The following MYO16 variants were observed in gnomAD, a reference collection of about 807,000 sequenced individuals.
The protein encoded by MYO16 is unconventional myosin-XVI.
In MYO16, 94 loss-of-function variants were observed where a neutral mutation model predicts 205.3. The observed-to-expected ratio is 0.46, with a 90% CI of 0.39 to 0.54. The LOEUF is 0.54. Ranked by LOEUF, MYO16 falls within the 20% of genes least tolerant of loss-of-function variation. The pLI is 0.00. For synonymous variants in MYO16, 988 were observed against 954.0 expected, an observed-to-expected ratio of 1.04 and a Z score of -0.66; for missense variants, 2,315 against 2,387.5, an observed-to-expected ratio of 0.97 and a Z score of 0.63.
chr13:109,191,141 C>A (rs1014181373), intron 34 of MYO16, among the ~76,000 whole-genome samples: 22 of 152,030 alleles, frequency 1.4e-4, no homozygotes. Flanking sequence ...ATCACTTGAA[C>A]CCCAGAGGCA....
Position 109,013,459 on chromosome 13 carries a change from A to C in MYO16, c.2595+4410A>C, listed in dbSNP as rs577008794. Among the ~76,000 whole-genome samples the C allele has an allele frequency of 1.1e-4, 17 of 152,290 alleles. No homozygotes were observed. In the East Asian group the frequency reaches 1.4e-3, roughly 12 times the overall value. ...ATGTGTCTTTATACTAGCATGGTTT[A>C]TAATCCTTTGGGTATATACCCAGTA... On this transcript the variant is annotated intron_variant, in intron 22 of 34. Transcript: ENST00000457511.
chr13:108,996,446 T>A (rs1390181775), intron 21 of MYO16, among the ~76,000 whole-genome samples: 1 of 152,026 alleles, frequency 6.6e-6, no homozygotes, highest in African/African-American at 2.4e-5. Flanking sequence ...TAATGTGCAA[T>A]CTGGACAGTT....
intron 28 of MYO16, among the ~76,000 whole-genome samples, chr13:109,106,676 C>T (rs777531059): frequency 1.6e-4 from 24 of 152,200 alleles, no homozygotes; most frequent in African/African-American, 5.3e-4. Context: ...CTGTCAGAGT[C>T]GGTCCATGTG....
chr13:109,039,962 A>T (rs1041805790), intron 23 of MYO16, among the ~76,000 whole-genome samples: 1 of 152,170 alleles, frequency 6.6e-6, no homozygotes, highest in Non-Finnish European at 1.5e-5. Context: ...TAGAAAATAC[A>T]TAAATAGCCA....
At chr13:108,676,354 T>C (rs1342198919) in intron 2 of MYO16, among the ~76,000 whole-genome samples, 1 of 146,150 alleles carries the variant, frequency 6.8e-6, no homozygotes, top group Non-Finnish European at 1.5e-5. Context: ...TTTCTGCTAA[T>C]GTGTGATTAT....
At chr13:108,624,825 G>GTGTC (rs1879673347), upstream of MYO16, among the ~76,000 whole-genome samples, 1 of 150,058 alleles carries the variant, frequency 6.7e-6, no homozygotes, top group Non-Finnish European at 1.5e-5. Context: ...GTGTGTGTGT[G>GTGTC]TATCTTCATA....
intron 4 of MYO16, among the ~76,000 whole-genome samples, chr13:108,732,732 G>A (rs1048456119): frequency 2.6e-5 from 4 of 152,192 alleles, no homozygotes; most frequent in African/African-American, 7.2e-5. Context: ...AGAGGATCAC[G>A]TTTGCTGCTC....
At chr13:109,027,805 A>G (rs1383594402) in intron 23 of MYO16, among the ~76,000 whole-genome samples, 1 of 152,214 alleles carries the variant, frequency 6.6e-6, no homozygotes, top group East Asian at 1.9e-4. Context: ...GAAGGTCTTC[A>G]GTGCAGGAAT....
chr13:108,620,289 TG>T (rs549857006), intron 1 of MYO16, among the ~76,000 whole-genome samples: 442 of 152,340 alleles, frequency 2.9e-3, no homozygotes, highest in Non-Finnish European at 5.3e-3. Flanking sequence ...TCTTACTTTT[TG>T]AATAATAAAT....
At chr13:109,064,268 T>G (rs1254611965) in intron 27 of MYO16, among the ~76,000 whole-genome samples, 2 of 152,234 alleles carry the variant, frequency 1.3e-5, no homozygotes, top group Non-Finnish European at 2.9e-5. Context: ...AGTTTGCTTA[T>G]CTCTGCCTTA....
intron 2 of MYO16, among the ~76,000 whole-genome samples, chr13:108,685,115 C>T (rs1014493149): frequency 6.6e-6 from 1 of 151,356 alleles, no homozygotes; most frequent in Non-Finnish European, 1.5e-5. Context: ...CTCCACCTTC[C>T]GGGTTCAAGC....
intron 4 of MYO16, among the ~76,000 whole-genome samples, chr13:108,772,045 T>TA (rs1328575718): frequency 6.6e-6 from 1 of 152,012 alleles, no homozygotes; most frequent in East Asian, 1.9e-4. Flanking sequence ...GTAGTAAGAG[T>TA]AGGTTTACTT....
chr13:109,152,746 C>T (rs560203279), intron 32 of MYO16, among the ~76,000 whole-genome samples: 3 of 152,076 alleles, frequency 2.0e-5, no homozygotes, highest in Non-Finnish European at 4.4e-5. Flanking sequence ...GGCATGCCTC[C>T]GGATATGTAG....
chr13:108,873,189 A>G (rs1193534796), intron 12 of MYO16, among the ~76,000 whole-genome samples: 1 of 152,202 alleles, frequency 6.6e-6, no homozygotes, highest in Non-Finnish European at 1.5e-5. Context: ...TTGTTCAAAT[A>G]TTTGGGTTTC....
chr13:108,928,879 T>G (rs1882128938), intron 16 of MYO16, among the ~76,000 whole-genome samples: 1 of 152,194 alleles, frequency 6.6e-6, no homozygotes, highest in African/African-American at 2.4e-5. Flanking sequence ...AATGGCCATA[T>G]TCAGGTCATG....
chr13:108,623,007 CT>C (rs5806743), intron 1 of MYO16, among the ~76,000 whole-genome samples: 12,134 of 152,132 alleles, frequency 0.08, 578 homozygotes, highest in South Asian at 0.13. Flanking sequence ...AACAAATTTT[CT>C]CTTGGAGAAG....
chr13:108,580,763 T>A, the MYO16 span, among the ~76,000 whole-genome samples: 1 of 152,200 alleles, frequency 6.6e-6, no homozygotes, highest in Non-Finnish European at 1.5e-5. Flanking sequence ...GCTGGGGATG[T>A]CACTCACACA....
At chr13:108,722,834 C>T (rs1190321995) in intron 3 of MYO16, among the ~76,000 whole-genome samples, 2 of 152,166 alleles carry the variant, frequency 1.3e-5, no homozygotes, top group Admixed American at 6.5e-5. Context: ...GGGGATGGGG[C>T]CTCAGTTCAT....
chr13:109,150,194 C>T (rs1258275811), intron 32 of MYO16, among the ~76,000 whole-genome samples: 1 of 152,122 alleles, frequency 6.6e-6, no homozygotes, highest in African/African-American at 2.4e-5. Context: ...AAGTCTTCAT[C>T]GTTTGTCTCT....
Sources: allele counts gnomAD v4.1 joint callset (sites outside exome capture counted in the v4.1 genomes callset), GRCh38; gene constraint gnomAD v4.1.1; transcripts MANE v1.5; gene names NCBI Gene and HGNC (gene_info 2026-07-23, HGNC 2026-07-21).